The following REM1 variants were observed in gnomAD, a reference collection of about 807,000 sequenced individuals.
REM1 encodes the protein GTP-binding protein REM 1.
A neutral mutation model predicts 27.0 loss-of-function variants in REM1; 20 were observed. That is an observed-to-expected ratio of 0.74 (90% CI 0.52 to 1.08). The LOEUF is 1.08. REM1 is among the 50% of genes least tolerant of loss of function. REM1 has a pLI of 0.00. For missense variants in REM1, 405 were observed against 407.0 expected (o/e 1.00, Z 0.04); for synonymous variants, 159 against 167.9 (o/e 0.95, Z 0.41).
In REM1 at chr20:31,476,508, G is replaced by T. The variant is rs375760497; in HGVS notation, c.63G>T (p.Leu21=). 4 of 1,613,630 alleles carry T rather than the reference G, an allele frequency of 2.5e-6. No individual in the cohort carries two copies. In the African/African-American group the frequency reaches 5.3e-5, roughly 22 times the overall value. Residue 21 remains leucine (L), a synonymous_variant, in exon 2 of 5, where the codon CTG becomes CTT. Transcript: ENST00000201979. ...TGCACCGGCGAGCCAGCACCCCACTGCCCCTGTCCCCACGGGGCCACCAGC... is the reference window on the plus strand; with the variant it reads ...TGCACCGGCGAGCCAGCACCCCACTTCCCCTGTCCCCACGGGGCCACCAGC... ...TPLHRRASTP[L]PLSPRGHQPG... is the part of the protein sequence containing the mutation.
chr20:31,480,119 T>C (rs529206679), intron 3 of REM1, among the ~76,000 whole-genome samples: 1 of 151,468 alleles, frequency 6.6e-6, no homozygotes, highest in African/African-American at 2.4e-5. Context: ...ATAATAAAAA[T>C]CAAATTATCA....
In REM1 at chr20:31,476,454, C is replaced by T. The variant is rs1980502759; in HGVS notation, c.9C>T (p.Leu3=). The T allele has an allele frequency of 6.3e-7, 1 of 1,582,636 alleles. No individual in the cohort carries two copies. The highest frequency in any genetic ancestry group is 1.8e-5 in the Admixed American group (1 of 54,294). Residue 3 remains leucine (L), a synonymous_variant, in exon 2 of 5, where the codon CTC becomes CTT. Coordinates refer to ENST00000201979, the MANE Select transcript of REM1 (RefSeq NM_014012.6). MT[L]NTEQEAKTPL... is the part of the protein sequence containing the mutation. ...ACCCCCCCCTACCAAAGATGACACTCAACACCGAGCAGGAAGCAAAGACCC... is the reference window on the plus strand; with the variant it reads ...ACCCCCCCCTACCAAAGATGACACTTAACACCGAGCAGGAAGCAAAGACCC...
At chr20:31,476,027 G>T (rs1025936772) in intron 1 of REM1, among the ~76,000 whole-genome samples, 200 bp from the exon 2 acceptor site, 3 of 152,218 alleles carry the variant, frequency 2.0e-5, no homozygotes, top group Non-Finnish European at 4.4e-5. Flanking sequence ...CAGAGCCAGG[G>T]CCTCATGTTC....
chr20:31,479,180 T>C (rs1980631194), intron 3 of REM1, among the ~76,000 whole-genome samples: 1 of 152,186 alleles, frequency 6.6e-6, no homozygotes. Context: ...GTCCTCGTCT[T>C]ATGACTGTCC....
Position 31,484,745 on chromosome 20 carries a change from C to G in REM1, c.*315C>G. The stretch of plus-strand genomic sequence containing the variant: ...CAGAAACCCTCACAATAAACCAGAC[C>G]AGAAGGATGTCCCATCTGAATGCCC... On this transcript the variant is annotated 3_prime_UTR_variant, in exon 5 of 5. Coordinates refer to ENST00000201979, the MANE Select transcript of REM1 (RefSeq NM_014012.6). 2.8e-6 allele frequency: 1 copy of G among 351,280 alleles called. No homozygotes were observed. The highest frequency in any genetic ancestry group is 5.1e-5 in the East Asian group (1 of 19,756). 21.8% of individuals were successfully genotyped at this position (351,280 alleles called of 1,614,324 possible).
intron 3 of REM1, among the ~76,000 whole-genome samples, chr20:31,479,462 G>A (rs970303788): frequency 6.6e-6 from 1 of 152,110 alleles, no homozygotes; most frequent in Non-Finnish European, 1.5e-5. Context: ...AGGAGACAGG[G>A]GAGAAAGGAT....
intron 3 of REM1, among the ~76,000 whole-genome samples, chr20:31,478,819 T>TTTG (rs1491557528): frequency 6.6e-6 from 1 of 151,902 alleles, no homozygotes; most frequent in African/African-American, 2.4e-5. Context: ...CTACAAAATC[T>TTTG]TTGTAGATCT....
At position 31,476,656 on chromosome 20, in the gene REM1, A is replaced by G. The variant is rs776937944; in HGVS notation, c.211A>G (p.Ser71Gly). Residue 71 changes from serine (S) to glycine (G), a missense_variant, in exon 2 of 5, where the codon AGC becomes GGC. Physicochemically the swap from Ser to Gly is moderately conservative, Grantham distance 56. Coordinates refer to ENST00000201979, the MANE Select transcript of REM1 (RefSeq NM_014012.6). The part of the protein sequence containing the change: ...PAPDDWSSES[S>G]DSEGSWEALY... ...CCCAGATGATTGGTCTTCTGAATCCAGCGACTCTGAAGGCTCCTGGGAGGC... is the reference window on the plus strand; with the variant it reads ...CCCAGATGATTGGTCTTCTGAATCCGGCGACTCTGAAGGCTCCTGGGAGGC... 1.9e-6 allele frequency: 3 copies of G among 1,612,866 alleles called. No homozygotes were observed. The highest frequency in any genetic ancestry group is 2.5e-6 in the Non-Finnish European group (3 of 1,179,528).
Position 31,484,819 on chromosome 20 carries a change from C to CCCGAG in REM1, c.*389_*390insCCGAG. ...CAGGCGTCTCCACCTACTGCCCTCC[C>CCCGAG]ATCTACACTTGACTGTAGACTGGTC... is the stretch of plus-strand genomic sequence containing the variant. On this transcript the variant is annotated 3_prime_UTR_variant, in exon 5 of 5. Transcript: ENST00000201979. The CCCGAG allele has an allele frequency of 5.2e-6, 1 of 193,812 alleles. No homozygotes were observed. The highest frequency in any genetic ancestry group is 1.0e-5 in the Non-Finnish European group (1 of 96,104). 12.0% of individuals were successfully genotyped at this position (193,812 alleles called of 1,614,324 possible).
chr20:31,477,709 A>G lies in REM1; in HGVS notation c.341-119A>G. The G allele has an allele frequency of 5.8e-6, 4 of 691,908 alleles. No individual in the cohort carries two copies. The East Asian group carries it at 1.1e-4, about 19-fold the overall frequency. 42.9% of individuals were successfully genotyped at this position (691,908 alleles called of 1,614,324 possible). On this transcript the variant is annotated intron_variant, in intron 2 of 4. Coordinates refer to ENST00000201979, the MANE Select transcript of REM1 (RefSeq NM_014012.6). ...GAGAGACAGGCATCAAACAAGTGTG[A>G]TAAGCGTTTCCGAGGACAAGTGGAG...
intron 3 of REM1, among the ~76,000 whole-genome samples, chr20:31,480,967 G>T (rs1006704036): frequency 3.9e-5 from 6 of 152,086 alleles, no homozygotes; most frequent in Admixed American, 6.6e-5. Flanking sequence ...TTCCCATTTG[G>T]TTATCAGAAA....
rs2233827 is a variant in REM1, at chr20:31,475,835, C to A, written c.-219-392C>A. 1.3e-5 allele frequency among the ~76,000 whole-genome samples: 2 copies of A among 152,350 alleles called. No homozygotes were observed. The highest frequency in any genetic ancestry group is 2.1e-4 in the South Asian group (1 of 4,828). On this transcript the variant is annotated intron_variant, in intron 1 of 4. Coordinates refer to ENST00000201979, the MANE Select transcript of REM1 (RefSeq NM_014012.6). The surrounding 1 kb of genome is among the most constrained non-coding windows in gnomAD (Gnocchi z 5.0). ...TTACAGTCGGGTTACCCCCATACCC[C>A]CCTCGCGCTTCTGGAGTGCCAACCC... is the stretch of plus-strand genomic sequence containing the variant.
chr20:31,479,719 C>A (rs2122474577), intron 3 of REM1, among the ~76,000 whole-genome samples: 1 of 152,266 alleles, frequency 6.6e-6, no homozygotes, highest in African/African-American at 2.4e-5. Context: ...GAGGCTGAAT[C>A]TGACAGAATT....
intron 3 of REM1, among the ~76,000 whole-genome samples, chr20:31,481,693 T>A (rs1014218537): frequency 1.3e-5 from 2 of 152,202 alleles, no homozygotes; most frequent in Non-Finnish European, 2.9e-5. Context: ...TCAAAAGCAC[T>A]GCAGTTCTTT....
At chr20:31,476,966 G>A (rs1980536425) in intron 2 of REM1, among the ~76,000 whole-genome samples, 181 bp downstream of exon 2, 1 of 152,188 alleles carries the variant, frequency 6.6e-6, no homozygotes, top group Admixed American at 6.5e-5. Flanking sequence ...ACAGGGCACA[G>A]CCTGCACAAT....
Position 31,475,974 on chromosome 20 carries a change from G to C in REM1, c.-219-253G>C, listed in dbSNP as rs982445943. On this transcript the variant is annotated intron_variant, in intron 1 of 4. Transcript: ENST00000201979. The surrounding 1 kb of genome is among the most constrained non-coding windows in gnomAD (Gnocchi z 5.0). ...CTCCCAACCCAGAAGCTGTGAAAGA[G>C]AGCGGTGGGGAAGGGGAGGAGGGGG... 7.2e-5 allele frequency among the ~76,000 whole-genome samples: 11 copies of C among 152,352 alleles called. No homozygotes were observed.
At chr20:31,479,672 G>A (rs543021574) in intron 3 of REM1, among the ~76,000 whole-genome samples, 32 of 152,278 alleles carry the variant, frequency 2.1e-4, no homozygotes, top group Non-Finnish European at 2.4e-4. Context: ...GTATCCATCC[G>A]TTCCGTCTGT....
chr20:31,484,106 T>C (rs1980827388), intron 4 of REM1, 53 bp from the exon 5 acceptor site: 3 of 1,502,154 alleles, frequency 2.0e-6, no homozygotes, highest in Admixed American at 2.2e-5. Context: ...CCTACCTTTT[T>C]CTCCGCCTTC....
chr20:31,479,413 A>C (rs550242399), intron 3 of REM1, among the ~76,000 whole-genome samples: 1 of 152,178 alleles, frequency 6.6e-6, no homozygotes, highest in Non-Finnish European at 1.5e-5. Context: ...GTCAGTGTCC[A>C]GCAAGTTAAG....
Sources: gnomAD v4.1 joint callset for allele counts (sites outside exome capture counted in the v4.1 genomes callset) on GRCh38, gnomAD v4.1.1 for gene constraint, Gnocchi (gnomAD v3.1) non-coding constraint, MANE v1.5 for transcripts, NCBI Gene and HGNC (gene_info 2026-07-23, HGNC 2026-07-21) for gene names.